SACM1L: variants seen among roughly 807,000 people sequenced by gnomAD.
SACM1L encodes SAC1 like phosphatidylinositide phosphatase, also known as phosphatidylinositol-3-phosphatase SAC1.
In SACM1L, 32 loss-of-function variants were observed where a neutral mutation model predicts 89.5. The observed-to-expected ratio is 0.36, with a 90% CI of 0.27 to 0.48. The LOEUF (loss-of-function observed/expected upper bound fraction) is 0.48, where lower values mean the gene tolerates loss of function less well. SACM1L is among the 20% of genes least tolerant of loss of function. SACM1L has a pLI of 0.99. For missense variants in SACM1L, 543 were observed against 708.5 expected (o/e 0.77, Z 2.65); for synonymous variants, 213 against 232.8 (o/e 0.92, Z 0.77).
intron 19 of SACM1L, among the ~76,000 whole-genome samples, chr3:45,740,623 C>T (rs750251438): frequency 2.0e-5 from 3 of 152,178 alleles, no homozygotes; most frequent in Non-Finnish European, 2.9e-5. Context: ...AGAAAGCACA[C>T]GTAGGCAGAA....
chr3:45,723,502 TC>T lies in SACM1L; in HGVS notation c.883del (p.Gln295LysfsTer2). On this transcript the variant is annotated frameshift_variant, in exon 11 of 20. Coordinates refer to ENST00000389061, the MANE Select transcript of SACM1L (RefSeq NM_014016.5). LOFTEE classifies it high-confidence loss of function. ...GGACGGTTTCCAAAGGCATTTTGAT[TC>T]CCAAGTAATTATTTATGGAAAACAA... ...HMDGFQRHFDSQVIIYGKQVI... is the reference protein window; with the variant it reads ...HMDGFQRHFDXQVIIYGKQVI... 2 of 1,508,350 alleles carry T rather than the reference TC, an allele frequency of 1.3e-6. No homozygotes were observed. 93.4% of individuals were successfully genotyped at this position (1,508,350 alleles called of 1,614,324 possible).
At chr3:45,706,301 G>A (rs941689634) in intron 3 of SACM1L, among the ~76,000 whole-genome samples, 2 of 152,206 alleles carry the variant, frequency 1.3e-5, no homozygotes, top group Admixed American at 6.5e-5. Flanking sequence ...TATTGCAGCA[G>A]CCAGTTAGGT....
intron 12 of SACM1L, among the ~76,000 whole-genome samples, chr3:45,731,841 A>ATT (rs1327295392): frequency 6.6e-6 from 1 of 152,060 alleles, no homozygotes; most frequent in Non-Finnish European, 1.5e-5. Context: ...TCATATATAT[A>ATT]TTTTTTCCTC....
At chr3:45,728,439 G>A (rs368229059) in intron 11 of SACM1L, among the ~76,000 whole-genome samples, 4 of 151,674 alleles carry the variant, frequency 2.6e-5, no homozygotes, top group East Asian at 3.9e-4. Flanking sequence ...TCTCATTTTC[G>A]TTTGTGTATA....
chr3:45,720,353 G>T (rs532789607), intron 8 of SACM1L, among the ~76,000 whole-genome samples: 4 of 152,074 alleles, frequency 2.6e-5, no homozygotes, highest in Non-Finnish European at 4.4e-5. Context: ...AACAGGTAGT[G>T]CATTTACATA....
chr3:45,736,257 T>C (rs575919001), intron 14 of SACM1L, among the ~76,000 whole-genome samples: 16 of 152,318 alleles, frequency 1.1e-4, no homozygotes, highest in African/African-American at 3.8e-4. Flanking sequence ...GAATATTGAC[T>C]CCAAAGTAAA....
intron 7 of SACM1L, among the ~76,000 whole-genome samples, chr3:45,715,061 T>A (rs1246197142): frequency 6.6e-6 from 1 of 152,194 alleles, no homozygotes; most frequent in African/African-American, 2.4e-5. Context: ...GGTTTGTAGC[T>A]AAGGAGCGAT....
chr3:45,709,576 G>A lies in SACM1L; in HGVS notation c.412G>A (p.Asp138Asn). The change falls in exon 5 of 20, where the codon GAT becomes AAT. Residue 138 changes from aspartate (D) to asparagine (N), a missense_variant. Transcript: ENST00000389061. ...VDGFYFSTTYDLTHTLQRLSN... is the reference protein window; with the variant it reads ...VDGFYFSTTYNLTHTLQRLSN... ...TGGATTTTACTTTTCAACAACATAT[G>A]ATTTGACCCATACTTTGCAGCGGCT... 1.2e-6 allele frequency: 2 copies of A among 1,613,820 alleles called. No homozygotes were observed. Among genetic ancestry groups the A allele is most frequent in the Non-Finnish European group, 1.7e-6 (2 of 1,179,840 alleles).
chr3:45,703,787 T>G (rs891714200), intron 2 of SACM1L, among the ~76,000 whole-genome samples: 3 of 152,194 alleles, frequency 2.0e-5, no homozygotes, highest in Admixed American at 1.3e-4. Flanking sequence ...AAAAACATAA[T>G]ATTTATTATT....
At chr3:45,695,512 CG>C (rs1698100654) in intron 1 of SACM1L, among the ~76,000 whole-genome samples, 1 of 152,140 alleles carries the variant, frequency 6.6e-6, no homozygotes, top group Non-Finnish European at 1.5e-5. Flanking sequence ...CCACCTGCCT[CG>C]GCCTCCCAAA....
intron 13 of SACM1L, among the ~76,000 whole-genome samples, chr3:45,734,113 A>AT (rs377501431): frequency 0.013 from 1,767 of 132,046 alleles, 51 homozygotes; most frequent in African/African-American, 0.042. Context: ...CCATTTAAGA[A>AT]TTTTTTTTTT....
rs183003157 is a variant in SACM1L, at chr3:45,719,058, T to C, written c.578-442T>C. On this transcript the variant is annotated intron_variant, in intron 7 of 19. Transcript: ENST00000389061. ...GCTTACCAGCTGTTACATGGCTAAT[T>C]TATAATTATGTGTCATGCATTTCAT... Among the ~76,000 whole-genome samples the C allele has an allele frequency of 8.4e-4, 128 of 152,280 alleles. 1 individual carries two copies. The highest frequency in any genetic ancestry group is 3.8e-4 in the Non-Finnish European group (26 of 67,996).
chr3:45,743,084 ATATTC>A (rs1393879543), intron 19 of SACM1L: 1 of 92,778 alleles, frequency 1.1e-5, no homozygotes, highest in Non-Finnish European at 2.5e-5. Flanking sequence ...GTATTTATGA[ATATTC>A]TATTAATTTT....
At chr3:45,736,586 G>A (rs1179132717) in intron 14 of SACM1L, among the ~76,000 whole-genome samples, 1 of 152,182 alleles carries the variant, frequency 6.6e-6, no homozygotes, top group Non-Finnish European at 1.5e-5. Context: ...GGAGTAGTCT[G>A]TAGTTTGTAT....
intron 9 of SACM1L, 140 bp from the exon 10 acceptor site, chr3:45,722,729 C>T (rs1698815751): frequency 7.0e-6 from 4 of 569,072 alleles, no homozygotes; most frequent in Admixed American, 3.4e-5. Context: ...AGCAGATACA[C>T]GTGGACTTTT....
intron 4 of SACM1L, among the ~76,000 whole-genome samples, chr3:45,708,640 T>G (rs542532158): frequency 6.6e-6 from 1 of 152,156 alleles, no homozygotes; most frequent in Non-Finnish European, 1.5e-5. Context: ...TTTAAAGAAA[T>G]AAAAACAGCT....
intron 11 of SACM1L, among the ~76,000 whole-genome samples, chr3:45,730,905 T>G (rs1014644561): frequency 6.6e-6 from 1 of 152,196 alleles, no homozygotes; most frequent in South Asian, 2.1e-4. Context: ...GAGTTAGTCC[T>G]TCATGTTACA....
intron 8 of SACM1L, 103 bp from the exon 9 acceptor site, chr3:45,721,897 T>C (rs1335737446): frequency 1.4e-6 from 1 of 736,280 alleles, no homozygotes; most frequent in African/African-American, 1.8e-5. Flanking sequence ...TTCCACTAAC[T>C]TGAACTGACT....
intron 5 of SACM1L, among the ~76,000 whole-genome samples, chr3:45,711,577 G>A (rs976455175): frequency 2.0e-5 from 3 of 151,638 alleles, no homozygotes; most frequent in Admixed American, 6.6e-5. Flanking sequence ...CTGTCATCAC[G>A]CCACTGCACT....
Sources: gnomAD v4.1 joint callset for allele counts (sites outside exome capture counted in the v4.1 genomes callset) on GRCh38, gnomAD v4.1.1 for gene constraint, MANE v1.5 for transcripts, NCBI Gene and HGNC (gene_info 2026-07-23, HGNC 2026-07-21) for gene names.